EYS: variants seen among roughly 807,000 people sequenced by gnomAD.
EYS encodes the protein EGF-like photoreceptor maintenance factor.
In EYS, 250 loss-of-function variants were observed where a neutral mutation model predicts 282.1. That is an observed-to-expected ratio of 0.89 (90% CI 0.80 to 0.98). EYS has a LOEUF of 0.98. Ranked by LOEUF, EYS falls within the 50% of genes least tolerant of loss-of-function variation. The pLI is 0.00. For missense variants in EYS, 4,016 were observed against 3,709.0 expected, an observed-to-expected ratio of 1.08 and a Z score of -2.15; for synonymous variants, 1,355 against 1,282.9, an observed-to-expected ratio of 1.06 and a Z score of -1.20.
At chr6:65,195,900 T>A (rs542351348) in intron 12 of EYS, among the ~76,000 whole-genome samples, 4 of 152,156 alleles carry the variant, frequency 2.6e-5, no homozygotes, top group African/African-American at 7.2e-5. Flanking sequence ...AAACACAGAC[T>A]TCTGGAATAA....
intron 1 of EYS, among the ~76,000 whole-genome samples, chr6:65,678,937 C>T (rs1005629653): frequency 2.6e-5 from 4 of 151,170 alleles, no homozygotes; most frequent in Non-Finnish European, 4.4e-5. Context: ...TATAGATGGC[C>T]GACATCAAAA....
At chr6:65,478,629 A>G (rs1765491899) in intron 5 of EYS, among the ~76,000 whole-genome samples, 1 of 152,144 alleles carries the variant, frequency 6.6e-6, no homozygotes, top group African/African-American at 2.4e-5. Context: ...AATTATAGTG[A>G]AGTCAGGACC....
chr6:65,110,705 T>C (rs976802597), intron 12 of EYS, among the ~76,000 whole-genome samples: 3 of 152,058 alleles, frequency 2.0e-5, no homozygotes, highest in African/African-American at 7.2e-5. Context: ...TCAAAATAAA[T>C]GTTTTTCTAT....
At chr6:64,690,969 A>C (rs1770359952) in intron 22 of EYS, among the ~76,000 whole-genome samples, 3 of 152,080 alleles carry the variant, frequency 2.0e-5, no homozygotes, top group Non-Finnish European at 2.9e-5. Flanking sequence ...TCTAGAACTT[A>C]AGGTATAATA....
chr6:65,491,347 C>T (rs1766036825), intron 4 of EYS: 1 of 289,450 alleles, frequency 3.5e-6, no homozygotes, highest in African/African-American at 2.2e-5. Flanking sequence ...ATTTAATCAT[C>T]TTATAATACC....
chr6:63,794,340 C>A (rs1770588458), intron 37 of EYS, among the ~76,000 whole-genome samples: 1 of 152,158 alleles, frequency 6.6e-6, no homozygotes, highest in Non-Finnish European at 1.5e-5. Context: ...TCCTAGTTAG[C>A]CTCTTGGGTC....
chr6:65,447,513 T>A (rs1482305687), intron 5 of EYS, among the ~76,000 whole-genome samples: 1 of 151,586 alleles, frequency 6.6e-6, no homozygotes, highest in East Asian at 1.9e-4. Flanking sequence ...CATTGTAACA[T>A]GTATTTCTAT....
chr6:65,077,561 G>T (rs1298271196), intron 12 of EYS, among the ~76,000 whole-genome samples: 2 of 149,778 alleles, frequency 1.3e-5, no homozygotes, highest in Non-Finnish European at 1.5e-5. Flanking sequence ...CGCTCAAACA[G>T]AATTACAACT....
chr6:63,794,436 T>C (rs947681909), intron 37 of EYS, among the ~76,000 whole-genome samples: 2 of 152,356 alleles, frequency 1.3e-5, no homozygotes, highest in South Asian at 2.1e-4. Flanking sequence ...TGCATTACTT[T>C]GATCCAACTA....
In EYS at chr6:64,886,688, T is replaced by A; in HGVS notation, c.2992+9A>T. 1.3e-6 allele frequency: 2 copies of A among 1,538,040 alleles called. No homozygotes were observed. The highest frequency in any genetic ancestry group is 1.8e-6 in the Non-Finnish European group (2 of 1,140,546). Reference sequence around the variant, plus strand: ...TATGTTGCTGCACATGGGACAGATATGGATTTACCTGTATAACCAGGGGCA... The same window carrying A: ...TATGTTGCTGCACATGGGACAGATAAGGATTTACCTGTATAACCAGGGGCA... On this transcript the variant is annotated intron_variant, in intron 19 of 42. Coordinates refer to ENST00000503581, the MANE Select transcript of EYS (RefSeq NM_001142800.2).
chr6:64,211,134 T>A (rs564649305), intron 31 of EYS, among the ~76,000 whole-genome samples: 1 of 152,280 alleles, frequency 6.6e-6, no homozygotes, highest in African/African-American at 2.4e-5. Context: ...CATAAGTGCA[T>A]GAACCCATGC....
At chr6:64,426,993 A>T (rs990288550) in intron 28 of EYS, among the ~76,000 whole-genome samples, 3 of 152,178 alleles carry the variant, frequency 2.0e-5, no homozygotes, top group Admixed American at 2.0e-4. Context: ...CTTTTTCTAA[A>T]AAAAAACTAG....
At chr6:63,906,044 C>G (rs772972001) in intron 35 of EYS, among the ~76,000 whole-genome samples, 20 of 152,172 alleles carry the variant, frequency 1.3e-4, no homozygotes, top group Non-Finnish European at 2.8e-4. Flanking sequence ...TGTATGCCAC[C>G]TGGAAGCAAA....
intron 33 of EYS, among the ~76,000 whole-genome samples, chr6:64,031,880 A>T (rs1769862447): frequency 6.6e-6 from 1 of 152,130 alleles, no homozygotes; most frequent in African/African-American, 2.4e-5. Flanking sequence ...GTGGGGCCAG[A>T]TAAGGGAATA....
rs141118041 is a variant in EYS, at chr6:65,175,036, C to T, written c.2024-117309G>A. 3.1e-3 allele frequency among the ~76,000 whole-genome samples: 462 copies of T among 151,354 alleles called. 6 individuals are homozygous for T. Among genetic ancestry groups the T allele is most frequent in the African/African-American group, 0.01 (435 of 41,462 alleles). On this transcript the variant is annotated intron_variant, in intron 12 of 42. Transcript: ENST00000503581. Reference sequence around the variant, plus strand: ...TTCATTTCACAAAAGCCAGCCTGAACATGTCACACACTGAAATTCAAAAGG... The same window carrying T: ...TTCATTTCACAAAAGCCAGCCTGAATATGTCACACACTGAAATTCAAAAGG...
chr6:64,039,897 AAACTT>A (rs1235903214), intron 33 of EYS, among the ~76,000 whole-genome samples: 3 of 152,188 alleles, frequency 2.0e-5, no homozygotes, highest in African/African-American at 7.2e-5. Flanking sequence ...GTGCAGAATT[AAACTT>A]AATAACATAG....
chr6:64,977,300 A>G (rs1315969315), intron 14 of EYS, among the ~76,000 whole-genome samples: 5 of 152,014 alleles, frequency 3.3e-5, no homozygotes, highest in African/African-American at 1.2e-4. Context: ...TGTTATGTTG[A>G]TAAGTGATCA....
At chr6:64,097,379 C>A (rs1772663713) in intron 31 of EYS, among the ~76,000 whole-genome samples, 1 of 152,300 alleles carries the variant, frequency 6.6e-6, no homozygotes, top group East Asian at 1.9e-4. Context: ...GGCAGGCCTC[C>A]TTGAGCTGCG....
chr6:65,317,658 C>T (rs183867060), intron 11 of EYS, among the ~76,000 whole-genome samples: 2,150 of 152,200 alleles, frequency 0.014, 22 homozygotes, highest in Non-Finnish European at 0.018. Context: ...AGCTTTTCTT[C>T]CTGGGCTGCC....
Sources: gnomAD v4.1 joint callset for allele counts (sites outside exome capture counted in the v4.1 genomes callset) on GRCh38, gnomAD v4.1.1 for gene constraint, MANE v1.5 for transcripts, NCBI Gene and HGNC (gene_info 2026-07-23, HGNC 2026-07-21) for gene names.